Variants in IMMP1L observed in about 807,000 individuals in gnomAD.
The protein encoded by IMMP1L is inner mitochondrial membrane peptidase subunit 1.
A neutral mutation model predicts 21.8 loss-of-function variants in IMMP1L; 24 were observed. The observed-to-expected ratio is 1.10, with a 90% CI of 0.80 to 1.55. The LOEUF is 1.55. IMMP1L is among the 40% of genes most tolerant of loss of function. The pLI is 0.00. For missense variants in IMMP1L, 195 were observed against 200.7 expected, an observed-to-expected ratio of 0.97 and a Z score of 0.17; for synonymous variants, 46 against 62.8, an observed-to-expected ratio of 0.73 and a Z score of 1.26.
intron 3 of IMMP1L, among the ~76,000 whole-genome samples, chr11:31,458,439 G>C (rs1197324945): frequency 6.6e-6 from 1 of 152,054 alleles, no homozygotes; most frequent in East Asian, 1.9e-4. Flanking sequence ...TTTGTTGAAA[G>C]AATAAGCAAT....
At chr11:31,481,941 A>G (rs1234616611) in intron 1 of IMMP1L, among the ~76,000 whole-genome samples, 1 of 152,086 alleles carries the variant, frequency 6.6e-6, no homozygotes, top group Non-Finnish European at 1.5e-5. Flanking sequence ...TTATTTATGA[A>G]TACTATTGCT....
intron 4 of IMMP1L, among the ~76,000 whole-genome samples, chr11:31,448,295 T>C (rs907510609): frequency 6.6e-6 from 1 of 152,166 alleles, no homozygotes; most frequent in Non-Finnish European, 1.5e-5. Context: ...GTTGACAGAC[T>C]GAGAATCTGT....
chr11:31,499,289 C>T (rs1252619655), intron 1 of IMMP1L, among the ~76,000 whole-genome samples: 1 of 151,964 alleles, frequency 6.6e-6, no homozygotes, highest in Non-Finnish European at 1.5e-5. Context: ...GGCGTGAACC[C>T]GGGACGCGGA....
chr11:31,497,219 A>G (rs1422460047), intron 1 of IMMP1L, among the ~76,000 whole-genome samples: 1 of 151,580 alleles, frequency 6.6e-6, no homozygotes, highest in African/African-American at 2.4e-5. Context: ...AGCATCTGCA[A>G]TAGATTATTC....
chr11:31,460,221 AAAGT>A (rs1954090036), intron 3 of IMMP1L, among the ~76,000 whole-genome samples: 1 of 152,142 alleles, frequency 6.6e-6, no homozygotes, highest in Admixed American at 6.5e-5. Flanking sequence ...GACTACATAT[AAAGT>A]AAGATAGCAA....
chr11:31,488,511 A>C (rs1955154655), intron 1 of IMMP1L, among the ~76,000 whole-genome samples: 2 of 152,202 alleles, frequency 1.3e-5, no homozygotes, highest in African/African-American at 4.8e-5. Context: ...CCTAGAAAGA[A>C]CTATGTTCCA....
In IMMP1L at chr11:31,443,098, T is replaced by A. The variant is rs557037022; in HGVS notation, c.322-9528A>T. On this transcript the variant is annotated intron_variant, in intron 4 of 5. Transcript: ENST00000532287. ...ACAAAAAAGCAGTATCAAGTTATTA[T>A]ACCTACTATGTGGCCACTGTATATT... Among the ~76,000 whole-genome samples the A allele has an allele frequency of 2.3e-3, 351 of 152,334 alleles. 1 individual carries two copies. Among genetic ancestry groups the A allele is most frequent in the Non-Finnish European group, 4.2e-3 (284 of 68,018 alleles).
intron 1 of IMMP1L, among the ~76,000 whole-genome samples, chr11:31,490,469 T>TAA (rs60971392): frequency 1.5e-5 from 2 of 131,764 alleles, no homozygotes; most frequent in East Asian, 4.3e-4. Context: ...AGACTCCATC[T>TAA]AAAAAAAAAA....
chr11:31,482,317 T>C (rs977386147), intron 1 of IMMP1L, among the ~76,000 whole-genome samples: 2 of 152,042 alleles, frequency 1.3e-5, no homozygotes, highest in African/African-American at 2.4e-5. Context: ...AAATATTTCT[T>C]AAACAAGAAT....
intron 4 of IMMP1L, among the ~76,000 whole-genome samples, chr11:31,433,907 G>T (rs1398403764): frequency 6.6e-6 from 1 of 152,122 alleles, no homozygotes; most frequent in Non-Finnish European, 1.5e-5. Context: ...TCATTAGGAT[G>T]CTGACTGAAA....
intron 2 of IMMP1L, 74 bp from the exon 3 acceptor site, chr11:31,460,788 T>A: frequency 9.4e-7 from 1 of 1,067,726 alleles, no homozygotes; most frequent in Non-Finnish European, 1.4e-6. Context: ...TAAGCAAGCT[T>A]AAAAGAAAGA....
intron 1 of IMMP1L, among the ~76,000 whole-genome samples, chr11:31,496,033 A>T (rs576826762): frequency 6.6e-6 from 1 of 152,170 alleles, no homozygotes; most frequent in South Asian, 2.1e-4. Context: ...TACTATCACA[A>T]GGAGAAAGTA....
intron 3 of IMMP1L, 79 bp from the exon 4 acceptor site, chr11:31,456,465 A>G: frequency 2.7e-6 from 3 of 1,124,940 alleles, no homozygotes; most frequent in Middle Eastern, 2.0e-4. Flanking sequence ...TAATACTTTT[A>G]TAAGACAACT....
At chr11:31,476,229 T>C (rs182989668) in intron 1 of IMMP1L, among the ~76,000 whole-genome samples, 115 of 152,132 alleles carry the variant, frequency 7.6e-4, no homozygotes, top group African/African-American at 2.6e-3. Flanking sequence ...AACATACAAA[T>C]AGAAGGCAAA....
intron 4 of IMMP1L, among the ~76,000 whole-genome samples, chr11:31,436,577 T>G (rs1398469998): frequency 2.0e-5 from 3 of 151,888 alleles, no homozygotes; most frequent in Non-Finnish European, 1.5e-5. Context: ...GGATTATAGG[T>G]GTCCACCACC....
At chr11:31,476,852 G>A (rs1180808736) in intron 1 of IMMP1L, among the ~76,000 whole-genome samples, 2 of 151,992 alleles carry the variant, frequency 1.3e-5, no homozygotes, top group East Asian at 3.9e-4. Flanking sequence ...AACACCTCCA[G>A]CCAAAGTACT....
At chr11:31,434,871 G>A (rs1953068061) in intron 4 of IMMP1L, among the ~76,000 whole-genome samples, 2 of 152,080 alleles carry the variant, frequency 1.3e-5, no homozygotes, top group Admixed American at 1.3e-4. Flanking sequence ...CCAATAGCAA[G>A]GCCACTTCCT....
chr11:31,484,281 TA>T (rs1565001824), intron 1 of IMMP1L, among the ~76,000 whole-genome samples: 2 of 151,956 alleles, frequency 1.3e-5, no homozygotes, highest in Non-Finnish European at 2.9e-5. Context: ...AGATGTTGTA[TA>T]AACTTCCAGA....
At chr11:31,497,692 C>G (rs936572234) in intron 1 of IMMP1L, among the ~76,000 whole-genome samples, 14 of 152,136 alleles carry the variant, frequency 9.2e-5, no homozygotes, top group Non-Finnish European at 1.5e-4. Context: ...GATCTCTTGA[C>G]CTCGTGATCC....
Sources: gnomAD v4.1 joint callset for allele counts (sites outside exome capture counted in the v4.1 genomes callset) on GRCh38, gnomAD v4.1.1 for gene constraint, MANE v1.5 for transcripts, NCBI Gene and HGNC (gene_info 2026-07-23, HGNC 2026-07-21) for gene names.